The following ANKRD27 variants were observed in gnomAD, a reference collection of about 807,000 sequenced individuals.
The protein encoded by ANKRD27 is ankyrin repeat domain-containing protein 27.
A neutral mutation model predicts 129.7 loss-of-function variants in ANKRD27; 112 were observed. The ratio of observed to expected loss-of-function variants is 0.86; its 90% CI spans 0.74 to 1.01. The LOEUF (loss-of-function observed/expected upper bound fraction) is 1.01. ANKRD27 is among the 50% of genes least tolerant of loss of function. ANKRD27 has a pLI of 0.00. For missense variants in ANKRD27, 1,258 were observed against 1,300.5 expected (o/e 0.97, Z 0.50); for synonymous variants, 516 against 511.2 (o/e 1.01, Z -0.13).
In ANKRD27 at chr19:32,641,764, C is replaced by CT. The variant is rs35422369; in HGVS notation, c.904+259dup. ...TTTCTTGACTTGTTTTCTTTTACTTCTTCTTTTTTTTTTTTTTTTTTGAGA... is the reference window on the plus strand; with the variant it reads ...TTTCTTGACTTGTTTTCTTTTACTTCTTTCTTTTTTTTTTTTTTTTTTGAGA... On this transcript the variant is annotated intron_variant, in intron 10 of 28. Coordinates refer to ENST00000306065, the MANE Select transcript of ANKRD27 (RefSeq NM_032139.3). Among the ~76,000 whole-genome samples the CT allele has an allele frequency of 1.3e-3, 105 of 79,702 alleles. 11 individuals are homozygous for CT. Among genetic ancestry groups the CT allele is most frequent in the East Asian group, 3.0e-3 (11 of 3,696 alleles). 52.3% of individuals were successfully genotyped at this position (79,702 alleles called of 152,430 possible).
intron 14 of ANKRD27, 105 bp downstream of exon 14, chr19:32,628,617 G>A (rs946888019): frequency 4.9e-6 from 7 of 1,434,122 alleles, no homozygotes; most frequent in Non-Finnish European, 5.7e-6. Context: ...CTGGGGGGCA[G>A]GGAGGACAGT....
intron 1 of ANKRD27, among the ~76,000 whole-genome samples, chr19:32,670,648 T>C (rs1967851349): frequency 6.6e-6 from 1 of 152,146 alleles, no homozygotes; most frequent in African/African-American, 2.4e-5. Context: ...CACTCCAGCC[T>C]GGGCAACAGA....
At chr19:32,619,688 C>T (rs1350058921) in intron 18 of ANKRD27, 135 bp from the exon 19 acceptor site, 2 of 1,032,852 alleles carry the variant, frequency 1.9e-6, no homozygotes, top group Admixed American at 1.9e-5. Context: ...TCACGTGGCC[C>T]AGTCGCACCC....
intron 2 of ANKRD27, among the ~76,000 whole-genome samples, chr19:32,651,558 G>C (rs1292318538): frequency 1.3e-5 from 2 of 152,078 alleles, no homozygotes; most frequent in South Asian, 4.1e-4. Context: ...TTTTAGTAGA[G>C]ACGGGGTTTC....
rs923896719 is a variant in ANKRD27 at position 32,598,198 on chromosome 19, C to G, written c.3100G>C (p.Glu1034Gln). 6.2e-7 allele frequency: 1 copy of G among 1,614,176 alleles called. No individual in the cohort carries two copies. Among genetic ancestry groups the G allele is most frequent in the Non-Finnish European group, 8.5e-7 (1 of 1,180,036 alleles). Residue 1034 changes from glutamate (E) to glutamine (Q), a missense_variant, in exon 29 of 29, where the codon GAG (glutamate) becomes CAG (glutamine). Glu to Gln is a conservative substitution (Grantham distance 29). Transcript: ENST00000306065. ...VEDAVVSQGP[E>Q]AAGPLSTPQE... ...GGAGTGGAGAGGGGGCCAGCAGCCT[C>G]CGGGCCCTGGGACACGACCGCATCC...
At chr19:32,665,427 T>TGGTGGG (rs1967732695) in intron 1 of ANKRD27, among the ~76,000 whole-genome samples, 1 of 149,862 alleles carries the variant, frequency 6.7e-6, no homozygotes, top group African/African-American at 2.5e-5. Context: ...GTAGCTGGGA[T>TGGTGGG]TACAGGCACC....
rs923107731 is a variant in ANKRD27, at chr19:32,597,300, G to A, written c.*845C>T. On this transcript the variant is annotated 3_prime_UTR_variant, in exon 29 of 29. Transcript: ENST00000306065. ...AAATGGCAATAAATTCTAACCGAAA[G>A]TAACTCTGACCTGGTTTGTGCTGTT... The A allele has an allele frequency of 5.9e-5, 9 of 152,688 alleles. No homozygotes were observed. Among genetic ancestry groups the A allele is most frequent in the African/African-American group, 2.2e-4 (9 of 41,556 alleles). 9.5% of individuals were successfully genotyped at this position (152,688 alleles called of 1,614,324 possible). A position where few individuals can be genotyped will look rare whatever the true frequency, so the allele number is the denominator to read the frequency against.
At chr19:32,640,733 C>A (rs1030142775) in intron 10 of ANKRD27, among the ~76,000 whole-genome samples, 18 of 152,204 alleles carry the variant, frequency 1.2e-4, no homozygotes, top group African/African-American at 4.1e-4. Context: ...AAGACCCCCA[C>A]CTCTACAAAA....
intron 12 of ANKRD27, among the ~76,000 whole-genome samples, chr19:32,632,617 A>G (rs1209846503): frequency 6.6e-6 from 1 of 151,388 alleles, no homozygotes; most frequent in East Asian, 1.9e-4. Flanking sequence ...GCAAAACTCT[A>G]GATACTTTCC....
chr19:32,667,232 C>T (rs1385641338), intron 1 of ANKRD27, among the ~76,000 whole-genome samples: 1 of 152,252 alleles, frequency 6.6e-6, no homozygotes, highest in Non-Finnish European at 1.5e-5. Flanking sequence ...TGCTGCACGG[C>T]CCCTGCTGCT....
At chr19:32,655,152 T>A (rs1261085867) in intron 2 of ANKRD27, 2 of 152,288 alleles carry the variant, frequency 1.3e-5, no homozygotes, top group Non-Finnish European at 2.9e-5. Flanking sequence ...AACATGGTGG[T>A]CCCCCATTCC....
chr19:32,649,658 G>T (rs1967373524), intron 3 of ANKRD27, 24 bp downstream of exon 3: 1 of 1,518,790 alleles, frequency 6.6e-7, no homozygotes. Flanking sequence ...GGTGACCCTG[G>T]CTGATCCACC....
chr19:32,607,401 G>A (rs970892585), intron 23 of ANKRD27, among the ~76,000 whole-genome samples: 12 of 152,064 alleles, frequency 7.9e-5, no homozygotes, highest in East Asian at 5.8e-4. Context: ...TGACAACCTC[G>A]GTATCACCCA....
At position 32,644,331 on chromosome 19, in the gene ANKRD27, G is replaced by A. The variant is rs777403200; in HGVS notation, c.519C>T (p.His173=). The A allele has an allele frequency of 1.5e-5, 24 of 1,612,652 alleles. 1 individual carries two copies. In the South Asian group the frequency reaches 2.4e-4, roughly 16 times the overall value. Residue 173 remains histidine (H), a synonymous_variant, in exon 5 of 29, where the codon CAC becomes CAT. Transcript: ENST00000306065. ...GGACAGCACGGCTACTGACTATGTG[G>A]TGACGGAGGCTCTTTCTCTCGCATT... ...FRECERKSLR[H]HIDSANALYT...
At chr19:32,628,402 C>A (rs904694808) in intron 14 of ANKRD27, among the ~76,000 whole-genome samples, 1 of 152,204 alleles carries the variant, frequency 6.6e-6, no homozygotes. Flanking sequence ...AATAGCCTGA[C>A]AAGGATAATG....
Position 32,604,564 on chromosome 19 carries a change from G to T in ANKRD27, c.2494-140C>A, listed in dbSNP as rs911551343. 1.9e-5 allele frequency: 16 copies of T among 863,168 alleles called. No individual in the cohort carries two copies. In the South Asian group the frequency reaches 3.2e-4, roughly 17 times the overall value. The allele number at this position is 863,168 out of a possible 1,614,324, so 53.5% of individuals were successfully genotyped here. Reference sequence around the variant, plus strand: ...TTTCCTTAAAATTTGGGGAGGAAAAGTAATACTGAGAAAAAAAGATTTATA... The same window carrying T: ...TTTCCTTAAAATTTGGGGAGGAAAATTAATACTGAGAAAAAAAGATTTATA... On this transcript the variant is annotated intron_variant, in intron 24 of 28. Transcript: ENST00000306065.
At chr19:32,627,015 G>A (rs1364614034) in intron 15 of ANKRD27, among the ~76,000 whole-genome samples, 188 bp from the exon 16 acceptor site, 2 of 152,120 alleles carry the variant, frequency 1.3e-5, no homozygotes, top group South Asian at 2.1e-4. Context: ...ACATGTTGGG[G>A]TGGGCCTTGG....
chr19:32,650,756 T>TTTC (rs1555746243), intron 2 of ANKRD27, among the ~76,000 whole-genome samples: 1 of 148,802 alleles, frequency 6.7e-6, no homozygotes, highest in Non-Finnish European at 1.5e-5. Flanking sequence ...TTTTATTTAT[T>TTTC]TTTTTTTTTT....
intron 2 of ANKRD27, among the ~76,000 whole-genome samples, chr19:32,651,171 C>T (rs941129077): frequency 2.6e-5 from 4 of 152,144 alleles, no homozygotes; most frequent in Admixed American, 2.0e-4. Flanking sequence ...GTGGCCTCAC[C>T]ACTGCAGTTG....
Sources: gnomAD v4.1 joint callset for allele counts (sites outside exome capture counted in the v4.1 genomes callset) on GRCh38, gnomAD v4.1.1 for gene constraint, MANE v1.5 for transcripts, NCBI Gene and HGNC (gene_info 2026-07-23, HGNC 2026-07-21) for gene names.